Variants in TMC5 observed in about 807,000 individuals in gnomAD.
TMC5 encodes transmembrane channel-like protein 5.
A neutral mutation model predicts 110.5 loss-of-function variants in TMC5; 86 were observed. The ratio of observed to expected loss-of-function variants is 0.78; its 90% CI spans 0.65 to 0.93. The LOEUF is 0.93. Ranked by LOEUF, TMC5 falls within the 40% of genes least tolerant of loss-of-function variation. TMC5 has a pLI of 0.00. For synonymous variants in TMC5, 455 were observed against 439.5 expected, an observed-to-expected ratio of 1.04 and a Z score of -0.44; for missense variants, 1,144 against 1,222.8, an observed-to-expected ratio of 0.94 and a Z score of 0.96.
At chr16:19,452,051 G>A (rs538027001) in intron 5 of TMC5, among the ~76,000 whole-genome samples, 14 of 152,122 alleles carry the variant, frequency 9.2e-5, no homozygotes, top group Middle Eastern at 3.4e-3. Flanking sequence ...TGCCCACCTC[G>A]GCTTCCCAAA....
chr16:19,428,883 T>A (rs1211277669), intron 1 of TMC5, among the ~76,000 whole-genome samples: 1 of 152,218 alleles, frequency 6.6e-6, no homozygotes, highest in Non-Finnish European at 1.5e-5. Flanking sequence ...TGGAGTGCAG[T>A]GGCATGATCT....
intron 2 of TMC5, among the ~76,000 whole-genome samples, chr16:19,434,613 C>T (rs138913465): frequency 1.1e-3 from 160 of 151,570 alleles, no homozygotes; most frequent in African/African-American, 3.2e-3. Context: ...TGTGAGCCAT[C>T]ATGCCTGGCC....
At chr16:19,457,854 G>A (rs1419332167) in intron 5 of TMC5, among the ~76,000 whole-genome samples, 2 of 150,788 alleles carry the variant, frequency 1.3e-5, no homozygotes, top group South Asian at 4.2e-4. Flanking sequence ...CTGCTGAGTA[G>A]CTGGGATTAC....
chr16:19,429,685 A>C lies in TMC5; in HGVS notation c.-307-728A>C, dbSNP rs536696522. 4.6e-5 allele frequency among the ~76,000 whole-genome samples: 7 copies of C among 152,278 alleles called. No individual in the cohort carries two copies. The South Asian group carries it at 6.2e-4, about 14-fold the overall frequency. The stretch of plus-strand genomic sequence containing the variant: ...GAGCTTCCAGAACCGCTAATGTGAA[A>C]CTTTGGTTGAAATGAGGTGCCTGGG... On this transcript the variant is annotated intron_variant, in intron 1 of 21. Transcript: ENST00000542583.
chr16:19,464,169 TGA>T, intron 8 of TMC5, 145 bp downstream of exon 8: 1 of 1,046,154 alleles, frequency 9.6e-7, no homozygotes, highest in East Asian at 2.6e-5. Context: ...TTTTCCTGGC[TGA>T]GTGTGGTGAC....
chr16:19,447,984 A>G (rs1967652140), intron 4 of TMC5, among the ~76,000 whole-genome samples: 1 of 152,036 alleles, frequency 6.6e-6, no homozygotes, highest in Admixed American at 6.6e-5. Context: ...AAGGTCTTGC[A>G]ATGTAATTTT....
At chr16:19,421,202 A>G (rs1199308393) in intron 1 of TMC5, among the ~76,000 whole-genome samples, 1 of 151,946 alleles carries the variant, frequency 6.6e-6, no homozygotes, top group Non-Finnish European at 1.5e-5. Flanking sequence ...TTTTTTCATC[A>G]TGGGTTTTTT....
At chr16:19,465,500 G>A (rs1471483911) in intron 8 of TMC5, among the ~76,000 whole-genome samples, 4 of 152,090 alleles carry the variant, frequency 2.6e-5, no homozygotes, top group African/African-American at 4.8e-5. Flanking sequence ...TTGCACTCCA[G>A]CCTGAGTGAC....
In TMC5 at chr16:19,458,852, C is replaced by T. The variant is rs377013911; in HGVS notation, c.1049-1383C>T. On this transcript the variant is annotated intron_variant, in intron 5 of 21. Transcript: ENST00000542583. The stretch of plus-strand genomic sequence containing the variant: ...TCATTACGATGAACATTGTATTTCC[C>T]GGCGGGCCATTCTAACCCTGTGCTG... Among the ~76,000 whole-genome samples the T allele has an allele frequency of 5.9e-5, 9 of 152,234 alleles. No homozygotes were observed. The South Asian group carries it at 8.3e-4, about 14-fold the overall frequency.
intron 5 of TMC5, among the ~76,000 whole-genome samples, chr16:19,452,675 G>C (rs1383850610): frequency 6.6e-6 from 1 of 152,138 alleles, no homozygotes; most frequent in African/African-American, 2.4e-5. Flanking sequence ...CGAGATCAAA[G>C]GGTGTATGAT....
chr16:19,482,131 C>T (rs1193817979), intron 15 of TMC5, among the ~76,000 whole-genome samples: 1 of 152,172 alleles, frequency 6.6e-6, no homozygotes, highest in Non-Finnish European at 1.5e-5. Flanking sequence ...GTGATTTCGG[C>T]TCACTGCAAC....
At chr16:19,427,953 C>T (rs1486530470) in intron 1 of TMC5, among the ~76,000 whole-genome samples, 2 of 152,188 alleles carry the variant, frequency 1.3e-5, no homozygotes, top group Admixed American at 6.5e-5. Context: ...TCAATTGCAT[C>T]GACCAGCTTT....
chr16:19,426,893 G>A (rs761707869), intron 1 of TMC5, among the ~76,000 whole-genome samples: 1 of 152,076 alleles, frequency 6.6e-6, no homozygotes, highest in Non-Finnish European at 1.5e-5. Flanking sequence ...TGGGAAACCC[G>A]ATAAAAAGCT....
chr16:19,474,065 G>A, intron 11 of TMC5, 60 bp from the exon 12 acceptor site: 1 of 1,513,872 alleles, frequency 6.6e-7, no homozygotes, highest in South Asian at 1.3e-5. Flanking sequence ...ACTTTTGAGT[G>A]AAGCAGAAAG....
chr16:19,440,309 T>C lies in TMC5; in HGVS notation c.271T>C (p.Tyr91His), dbSNP rs776923541. Residue 91 changes from tyrosine to histidine, a missense_variant, in exon 3 of 22, where the codon TAC (tyrosine) becomes CAC (histidine). Transcript: ENST00000542583. The part of the protein sequence containing the change: ...PDYSGTRSNA[Y>H]SAASRTSPDH... ...CTATTCTGGCACCAGAAGCAATGCATACTCTGCAGCCTCTAGAACAAGCCC... is the reference window on the plus strand; with the variant it reads ...CTATTCTGGCACCAGAAGCAATGCACACTCTGCAGCCTCTAGAACAAGCCC... 2 of 1,614,138 alleles carry C rather than the reference T, an allele frequency of 1.2e-6. No individual in the cohort carries two copies. The highest frequency in any genetic ancestry group is 1.7e-6 in the Non-Finnish European group (2 of 1,180,018).
chr16:19,440,861 G>T, intron 3 of TMC5, 35 bp downstream of exon 3: 1 of 1,575,344 alleles, frequency 6.3e-7, no homozygotes, highest in Middle Eastern at 1.7e-4. Flanking sequence ...ACTGGGAGTG[G>T]ATGCTGAGTG....
chr16:19,475,745 C>T (rs1968471826), intron 12 of TMC5, among the ~76,000 whole-genome samples: 1 of 151,920 alleles, frequency 6.6e-6, no homozygotes, highest in Admixed American at 6.6e-5. Context: ...CCTTGCACAC[C>T]CCATTAAAAA....
At chr16:19,417,505 C>T (rs941398603), upstream of TMC5, among the ~76,000 whole-genome samples, 1 of 149,958 alleles carries the variant, frequency 6.7e-6, no homozygotes, top group Non-Finnish European at 1.5e-5. Flanking sequence ...TTAATGAATT[C>T]AGGTAGTCTC....
At chr16:19,491,925 CAATT>C (rs1421761277) in intron 18 of TMC5, among the ~76,000 whole-genome samples, 4 of 152,144 alleles carry the variant, frequency 2.6e-5, no homozygotes, top group Non-Finnish European at 4.4e-5. Context: ...CAGAGATGCT[CAATT>C]AATTGGTCTG....
Sources: allele counts gnomAD v4.1 joint callset (sites outside exome capture counted in the v4.1 genomes callset), GRCh38; gene constraint gnomAD v4.1.1; transcripts MANE v1.5; gene names NCBI Gene and HGNC (gene_info 2026-07-23, HGNC 2026-07-21).